Variants in HSPA4L observed in about 807,000 individuals in gnomAD.
HSPA4L encodes heat shock protein family A (Hsp70) member 4 like.
Under a neutral mutation model 100.3 loss-of-function variants are expected in HSPA4L, and 48 were observed. That is an observed-to-expected ratio of 0.48 (90% confidence interval 0.38 to 0.61). HSPA4L has a LOEUF of 0.61. HSPA4L is among the 20% of genes least tolerant of loss of function. The pLI is 0.00. For missense variants in HSPA4L, 886 were observed against 988.6 expected (o/e 0.90, Z 1.39); for synonymous variants, 319 against 328.2 (o/e 0.97, Z 0.30).
At chr4:127,824,245 G>T (rs1000200544) in intron 16 of HSPA4L, among the ~76,000 whole-genome samples, 1 of 152,136 alleles carries the variant, frequency 6.6e-6, no homozygotes, top group East Asian at 1.9e-4. Flanking sequence ...TCATTTCACT[G>T]ATGGACACTT....
chr4:127,818,497 A>T (rs1387529362), intron 13 of HSPA4L, 77 bp downstream of exon 13: 2 of 811,948 alleles, frequency 2.5e-6, no homozygotes, highest in Non-Finnish European at 3.9e-6. Context: ...CTTTCTTTTA[A>T]CGCACTTGAT....
At chr4:127,801,560 A>AATT (rs1227840128) in intron 5 of HSPA4L, among the ~76,000 whole-genome samples, 1 of 151,888 alleles carries the variant, frequency 6.6e-6, no homozygotes, top group Non-Finnish European at 1.5e-5. Context: ...CAGAGGTTAA[A>AATT]TATGTCTTAA....
Position 127,822,774 on chromosome 4 carries a change from G to A in HSPA4L, c.1818G>A (p.Lys606=). ...LLNSYIENEG[K]MIMQDKLEKE... is the part of the protein sequence containing the mutation. ...ATCTGAAGCTTTTTGAATAGGGGAA[G>A]ATGATCATGCAAGATAAGTTAGAGA... is the stretch of plus-strand genomic sequence containing the variant. Residue 606 remains lysine (K), a synonymous_variant, in exon 15 of 19, where the codon AAG becomes AAA. Coordinates refer to ENST00000296464, the MANE Select transcript of HSPA4L (RefSeq NM_014278.4). 9 of 1,613,418 alleles carry A rather than the reference G, an allele frequency of 5.6e-6. No homozygotes were observed. The highest frequency in any genetic ancestry group is 7.6e-6 in the Non-Finnish European group (9 of 1,179,720).
chr4:127,831,074 T>C (rs1249229584), intron 18 of HSPA4L, among the ~76,000 whole-genome samples: 1 of 152,142 alleles, frequency 6.6e-6, no homozygotes, highest in East Asian at 1.9e-4. Flanking sequence ...GACTTATAGG[T>C]TGGATGAAAC....
Position 127,790,883 on chromosome 4 carries a change from G to C in HSPA4L, c.108-3194G>C, listed in dbSNP as rs146900392. Among the ~76,000 whole-genome samples the C allele has an allele frequency of 4.6e-3, 705 of 152,262 alleles. 7 individuals carry two copies. The highest frequency in any genetic ancestry group is 0.016 in the African/African-American group (674 of 41,554). The stretch of plus-strand genomic sequence containing the variant: ...CTGACACCTGTAATCCCAGCACTTT[G>C]GGAGGCCAAGGCAGGTGGATCACTT... On this transcript the variant is annotated intron_variant, in intron 1 of 18. Transcript: ENST00000296464.
rs61748160 is a variant in HSPA4L at position 127,827,310 on chromosome 4, C to T, written c.2052C>T (p.Tyr684=). 2.7e-3 allele frequency: 4,376 copies of T among 1,606,146 alleles called. 129 individuals carry two copies. In the Admixed American group the frequency reaches 0.054, roughly 20 times the overall value. Residue 684 remains tyrosine, a synonymous_variant, in exon 17 of 19, where the codon TAC becomes TAT. Coordinates refer to ENST00000296464, the MANE Select transcript of HSPA4L (RefSeq NM_014278.4). The stretch of plus-strand genomic sequence containing the variant: ...AAAATTTCTTATGTTAACAGAAATA[C>T]GGCCAGCCTATTCAAATGAAGTACA... ...YVDKLQELKK[Y]GQPIQMKYME...
chr4:127,787,848 G>GA (rs375112808), intron 1 of HSPA4L, among the ~76,000 whole-genome samples: 27 of 144,576 alleles, frequency 1.9e-4, no homozygotes, highest in Non-Finnish European at 2.3e-4. Context: ...CTTAAGCACT[G>GA]AAAAAAAAAA....
chr4:127,828,618 T>A (rs1022559332), intron 17 of HSPA4L, among the ~76,000 whole-genome samples: 2 of 152,130 alleles, frequency 1.3e-5, no homozygotes, highest in African/African-American at 2.4e-5. Context: ...AGAGATTTTT[T>A]AGTTTTGTGA....
At chr4:127,811,789 A>G (rs1327508365) in intron 12 of HSPA4L, among the ~76,000 whole-genome samples, 153 bp downstream of exon 12, 1 of 152,194 alleles carries the variant, frequency 6.6e-6, no homozygotes, top group Non-Finnish European at 1.5e-5. Flanking sequence ...TTTTGATAAA[A>G]GCATTAAGGA....
chr4:127,798,669 A>G lies in HSPA4L; in HGVS notation c.389A>G (p.Glu130Gly). Residue 130 changes from glutamate to glycine, a missense_variant, in exon 4 of 19, where the codon GAA (glutamate) becomes GGA (glycine). Coordinates refer to ENST00000296464, the MANE Select transcript of HSPA4L (RefSeq NM_014278.4). ...TTAGCCAAGCTTAAAGAGACTTCAG[A>G]AAATGCTTTGAAGAAACCAGTGGCT... ...MLLAKLKETS[E>G]NALKKPVADC... The G allele has an allele frequency of 6.2e-7, 1 of 1,613,792 alleles. No homozygotes were observed. The highest frequency in any genetic ancestry group is 8.5e-7 in the Non-Finnish European group (1 of 1,179,784).
At chr4:127,828,745 T>C (rs1431548282) in intron 17 of HSPA4L, among the ~76,000 whole-genome samples, 1 of 152,074 alleles carries the variant, frequency 6.6e-6, no homozygotes, top group African/African-American at 2.4e-5. Flanking sequence ...GTTGTAAGGA[T>C]AATGAAAAAG....
rs1219623515 is a variant in HSPA4L at position 127,822,862 on chromosome 4, G to A, written c.1906G>A (p.Gly636Ser). 4 of 1,612,938 alleles carry A rather than the reference G, an allele frequency of 2.5e-6. No individual in the cohort carries two copies. The South Asian group carries it at 4.4e-5, about 18-fold the overall frequency. Residue 636 changes from glycine (G) to serine (S), a missense_variant, in exon 15 of 19, where the codon GGC becomes AGC. Physicochemically the swap from Gly to Ser is moderately conservative, Grantham distance 56. Transcript: ENST00000296464. ...EYVYDFRDRL[G>S]TVYEKFITPE... Reference sequence around the variant, plus strand: ...TGTATATGATTTTAGAGACAGGCTGGGCACTGTCTATGAAAAATTCATCAC... The same window carrying A: ...TGTATATGATTTTAGAGACAGGCTGAGCACTGTCTATGAAAAATTCATCAC...
intron 11 of HSPA4L, among the ~76,000 whole-genome samples, chr4:127,809,978 A>G (rs1578707432): frequency 6.6e-6 from 1 of 152,204 alleles, no homozygotes; most frequent in African/African-American, 2.4e-5. Flanking sequence ...TTCTGAACTC[A>G]TAACTACTTC....
chr4:127,837,387 T>C lies in HSPA4L; in HGVS notation c.*4513T>C, dbSNP rs994470173. ...GCACAGCTAATTGTACATATCAATA[T>C]ACATTTAAAATCTGGTAACACTGGT... On this transcript the variant is annotated 3_prime_UTR_variant, in exon 19 of 19. Transcript: ENST00000296464. The C allele has an allele frequency of 1.3e-5, 2 of 152,234 alleles. No homozygotes were observed. 9.4% of individuals were successfully genotyped at this position (152,234 alleles called of 1,614,324 possible).
At chr4:127,799,327 A>G (rs1169347868) in intron 4 of HSPA4L, among the ~76,000 whole-genome samples, 1 of 152,102 alleles carries the variant, frequency 6.6e-6, no homozygotes, top group Admixed American at 6.6e-5. Flanking sequence ...TGGGAGAAAA[A>G]TATTAGAGCT....
At chr4:127,823,645 T>C (rs1380303519) in intron 16 of HSPA4L, 21 bp downstream of exon 16, 3 of 1,481,410 alleles carry the variant, frequency 2.0e-6, no homozygotes, top group East Asian at 4.5e-5. Flanking sequence ...TTAAAGTCCA[T>C]GTTAGTATAA....
At chr4:127,825,926 C>CAAAAAA (rs78623521) in intron 16 of HSPA4L, among the ~76,000 whole-genome samples, 2 of 57,222 alleles carry the variant, frequency 3.5e-5, no homozygotes, top group Non-Finnish European at 6.9e-5. Flanking sequence ...AACTCCATCT[C>CAAAAAA]AAAAAAAAAA....
intron 6 of HSPA4L, 59 bp downstream of exon 6, chr4:127,801,977 G>A (rs1219016942): frequency 8.0e-6 from 11 of 1,378,730 alleles, no homozygotes; most frequent in East Asian, 4.7e-5. Flanking sequence ...CTAAAGAACC[G>A]TAATAGCTGG....
chr4:127,831,069 A>C (rs1734067336), intron 18 of HSPA4L, among the ~76,000 whole-genome samples: 1 of 152,216 alleles, frequency 6.6e-6, no homozygotes, highest in Admixed American at 6.5e-5. Context: ...TTTCAGACTT[A>C]TAGGTTGGAT....
Sources: allele counts gnomAD v4.1 joint callset (sites outside exome capture counted in the v4.1 genomes callset), GRCh38; gene constraint gnomAD v4.1.1; transcripts MANE v1.5; gene names NCBI Gene and HGNC (gene_info 2026-07-23, HGNC 2026-07-21).